RAB9B: variants seen among roughly 807,000 people sequenced by gnomAD.
RAB9B encodes the protein RAB9B, member RAS oncogene family.
RAB9B carries 1 observed loss-of-function variant against 8.9 expected under a neutral mutation model. That is an observed-to-expected ratio of 0.11 (90% CI 0.04 to 0.53). The LOEUF is 0.53. RAB9B is among the 20% of genes least tolerant of loss of function. The probability of loss-of-function intolerance (pLI) is 0.93; values close to 1 mark genes in which losing one functional copy is unlikely to be tolerated. For missense variants in RAB9B, 82 were observed against 152.9 expected (o/e 0.54, Z 2.45); for synonymous variants, 63 against 57.0 (o/e 1.10, Z -0.47).
At chrX:103,808,885 G>T in the RAB9B span, among the ~76,000 whole-genome samples, 1 of 113,356 alleles carries the variant, frequency 8.8e-6, no homozygotes, top group East Asian at 2.8e-4. Flanking sequence ...TGCTGTACAT[G>T]TTGGGATTGA....
chrX:103,815,792 GACAA>G, the RAB9B span, among the ~76,000 whole-genome samples: 4 of 111,572 alleles, frequency 3.6e-5, no homozygotes, highest in African/African-American at 1.3e-4. Flanking sequence ...ACCAATAACA[GACAA>G]ACAGAGAGCC....
chrX:103,799,445 T>C, the RAB9B span, among the ~76,000 whole-genome samples: 2 of 111,875 alleles, frequency 1.8e-5, no homozygotes, highest in Non-Finnish European at 3.8e-5. Flanking sequence ...ATTTTAAGAT[T>C]AAAAATTAGT....
chrX:103,795,101 T>C, the RAB9B span, among the ~76,000 whole-genome samples: 2 of 111,064 alleles, frequency 1.8e-5, no homozygotes, highest in Admixed American at 1.9e-4. Context: ...AGAGATACAG[T>C]CTCAGCCCTC....
At chrX:103,807,755 C>T in the RAB9B span, among the ~76,000 whole-genome samples, 4 of 111,569 alleles carry the variant, frequency 3.6e-5, no homozygotes, top group African/African-American at 9.8e-5. Context: ...ACAGGGAGTC[C>T]CCAAAACCCA....
At chrX:103,787,783 T>C in the RAB9B span, 8 of 1,198,572 alleles carry the variant, frequency 6.7e-6, 1 homozygote, top group Admixed American at 6.6e-5. Context: ...AACCACCCCA[T>C]GTCAATCATT....
chrX:103,817,054 T>C, the RAB9B span, among the ~76,000 whole-genome samples: 20 of 112,043 alleles, frequency 1.8e-4, no homozygotes, highest in Admixed American at 1.9e-3. Flanking sequence ...TAGAAATACC[T>C]TTTGACCCAG....
At chrX:103,815,487 G>A in the RAB9B span, among the ~76,000 whole-genome samples, 1 of 112,192 alleles carries the variant, frequency 8.9e-6, no homozygotes, top group Admixed American at 9.4e-5. Context: ...TACTGAATGG[G>A]CAAAAACAGG....
downstream of RAB9B, among the ~76,000 whole-genome samples, chrX:103,819,431 G>A (rs1235536902): frequency 8.9e-6 from 1 of 111,941 alleles, no homozygotes; most frequent in Non-Finnish European, 1.9e-5. Context: ...ATCATTCTCT[G>A]TGTTTCCTTG....
chrX:103,806,326 C>T, the RAB9B span, among the ~76,000 whole-genome samples: 3 of 111,046 alleles, frequency 2.7e-5, no homozygotes, highest in African/African-American at 9.8e-5. Flanking sequence ...AAGGTATTTT[C>T]TAATTTTTCA....
rs1191687077 is a variant in RAB9B at position 103,823,317 on chromosome X, C to T, written c.*1862G>A. On this transcript the variant is annotated 3_prime_UTR_variant, in exon 3 of 3. Coordinates refer to ENST00000243298, the MANE Select transcript of RAB9B (RefSeq NM_016370.4). ...TGTGGGGTCCCAGTTCTGGCTTTGA[C>T]TTCTGGCGTCAAAGTTAATTGAACA... 1 of 111,908 alleles carries T rather than the reference C, an allele frequency of 8.9e-6. No individual in the cohort carries two copies. Among genetic ancestry groups the T allele is most frequent in the Non-Finnish European group, 1.9e-5 (1 of 53,221 alleles). The allele number at this position is 111,908 out of a possible 1,213,427, so 9.2% of individuals were successfully genotyped here.
At chrX:103,780,338 G>A in the RAB9B span, 1 of 112,173 alleles carries the variant, frequency 8.9e-6, no homozygotes, top group Non-Finnish European at 1.9e-5. Context: ...GCAAGGTGGA[G>A]ACAATGTGCC....
the RAB9B span, among the ~76,000 whole-genome samples, chrX:103,806,951 G>A: frequency 4.5e-5 from 5 of 111,843 alleles, no homozygotes; most frequent in South Asian, 3.8e-4. Flanking sequence ...GTGGGCCTTA[G>A]CAAATAAGTT....
chrX:103,807,016 C>G, the RAB9B span, among the ~76,000 whole-genome samples: 11 of 111,905 alleles, frequency 9.8e-5, no homozygotes, highest in African/African-American at 2.9e-4. Flanking sequence ...CCTCGTGGCC[C>G]AAAGCCTGCC....
the RAB9B span, chrX:103,790,464 G>A: frequency 1.3e-6 from 1 of 797,082 alleles, no homozygotes; most frequent in East Asian, 3.1e-5. Flanking sequence ...TTCCCAAAGG[G>A]ATTTGAGGAG....
downstream of RAB9B, among the ~76,000 whole-genome samples, chrX:103,820,753 C>A (rs371580193): frequency 9.0e-6 from 1 of 110,668 alleles, no homozygotes; most frequent in Non-Finnish European, 1.9e-5. Flanking sequence ...AGTTCAAGAC[C>A]AGCCTGGCCA....
chrX:103,807,505 A>G, the RAB9B span, among the ~76,000 whole-genome samples: 2 of 111,871 alleles, frequency 1.8e-5, no homozygotes, highest in Non-Finnish European at 3.8e-5. Flanking sequence ...TCCTCCCATA[A>G]TAAGAAGCAG....
the RAB9B span, among the ~76,000 whole-genome samples, chrX:103,788,176 C>T: frequency 8.9e-6 from 1 of 111,930 alleles, no homozygotes; most frequent in Non-Finnish European, 1.9e-5. Flanking sequence ...TTTTCTTGGC[C>T]ATTCACATTG....
chrX:103,809,775 C>G, the RAB9B span, among the ~76,000 whole-genome samples: 30,075 of 109,710 alleles, frequency 0.27, 3,141 homozygotes, highest in East Asian at 0.35. Flanking sequence ...TGCCTCCCAT[C>G]CATTCTTTCA....
downstream of RAB9B, among the ~76,000 whole-genome samples, chrX:103,822,079 C>G (rs946089697): frequency 9.0e-6 from 1 of 111,447 alleles, no homozygotes; most frequent in African/African-American, 3.3e-5. Flanking sequence ...TCTCTAATAA[C>G]TAAATAAATA....
Sources: gnomAD v4.1 joint callset for allele counts (sites outside exome capture counted in the v4.1 genomes callset) on GRCh38, gnomAD v4.1.1 for gene constraint, MANE v1.5 for transcripts, NCBI Gene and HGNC (gene_info 2026-07-23, HGNC 2026-07-21) for gene names.